The following HTR1F variants were observed in gnomAD, a reference collection of about 807,000 sequenced individuals.
HTR1F encodes 5-hydroxytryptamine receptor 1F.
HTR1F carries 17 observed loss-of-function variants against 24.0 expected under a neutral mutation model. The ratio of observed to expected loss-of-function variants is 0.71; its 90% CI spans 0.48 to 1.06. HTR1F has a LOEUF of 1.06. Ranked by LOEUF, HTR1F falls within the 50% of genes least tolerant of loss-of-function variation. The pLI, the probability that HTR1F is intolerant of heterozygous loss-of-function variation, is 0.00. For synonymous variants in HTR1F, 186 were observed against 156.8 expected (o/e 1.19, Z -1.39); for missense variants, 391 against 427.8 (o/e 0.91, Z 0.76).
chr3:87,936,582 G>A (rs1704423950), intron 2 of HTR1F, among the ~76,000 whole-genome samples: 2 of 152,114 alleles, frequency 1.3e-5, no homozygotes. Context: ...GGTAAAATCT[G>A]TGATGTTTCT....
At chr3:87,912,215 A>T (rs967703130) in intron 2 of HTR1F, among the ~76,000 whole-genome samples, 1 of 152,110 alleles carries the variant, frequency 6.6e-6, no homozygotes, top group African/African-American at 2.4e-5. Context: ...AAAAAACTTT[A>T]GCAAAATTTC....
intron 2 of HTR1F, among the ~76,000 whole-genome samples, chr3:87,835,087 C>T (rs759691097): frequency 6.6e-6 from 1 of 152,106 alleles, no homozygotes; most frequent in African/African-American, 2.4e-5. Context: ...CCATTTTCTC[C>T]GTACTTTTCT....
Position 87,991,598 on chromosome 3 carries a change from C to A in HTR1F, c.849C>A (p.Ile283=). The A allele has an allele frequency of 6.2e-7, 1 of 1,613,990 alleles. No homozygotes were observed. The highest frequency in any genetic ancestry group is 1.1e-5 in the South Asian group (1 of 91,072). Residue 283 remains isoleucine, a synonymous_variant, in exon 3 of 3, where the codon ATC becomes ATA. Transcript: ENST00000319595. Reference sequence around the variant, plus strand: ...AGAAATCTTGGAGAAGGCAAAAGATCTCAGGTACAAGAGAACGGAAAGCAG... The same window carrying A: ...AGAAATCTTGGAGAAGGCAAAAGATATCAGGTACAAGAGAACGGAAAGCAG... ...KHEKSWRRQK[I]SGTRERKAAT...
At chr3:87,881,192 A>G (rs1354192271) in intron 2 of HTR1F, among the ~76,000 whole-genome samples, 3 of 150,876 alleles carry the variant, frequency 2.0e-5, no homozygotes, top group African/African-American at 7.3e-5. Context: ...AAGCCGTGAC[A>G]GACTGTACCT....
chr3:87,976,744 A>T (rs917302705), intron 2 of HTR1F, among the ~76,000 whole-genome samples: 4 of 152,230 alleles, frequency 2.6e-5, no homozygotes, highest in African/African-American at 9.6e-5. Flanking sequence ...CTTTACAAAC[A>T]AAAGTTTTAA....
chr3:87,904,341 C>A (rs534772391), intron 2 of HTR1F, among the ~76,000 whole-genome samples: 1 of 152,032 alleles, frequency 6.6e-6, no homozygotes, highest in Admixed American at 6.6e-5. Flanking sequence ...ACACTCAATA[C>A]GCTTTGATTA....
rs78673093 is a variant in HTR1F at position 87,925,519 on chromosome 3, C to A, written c.-42-65189C>A. On this transcript the variant is annotated intron_variant, in intron 2 of 2. Transcript: ENST00000319595. ...ATGGTGTTCTGGCCTTTGGCATGGGCATAGTGAAATAAAAGGAGGGTCTTG... is the reference window on the plus strand; with the variant it reads ...ATGGTGTTCTGGCCTTTGGCATGGGAATAGTGAAATAAAAGGAGGGTCTTG... 2.0e-3 allele frequency among the ~76,000 whole-genome samples: 299 copies of A among 152,126 alleles called. 2 individuals carry two copies. Among genetic ancestry groups the A allele is most frequent in the African/African-American group, 7.0e-3 (289 of 41,506 alleles).
intron 2 of HTR1F, among the ~76,000 whole-genome samples, chr3:87,867,580 C>T (rs1443866440): frequency 6.7e-6 from 1 of 148,868 alleles, no homozygotes; most frequent in African/African-American, 2.4e-5. Context: ...GAGTGACCTC[C>T]CCCAGAAAAT....
At chr3:87,894,697 G>C (rs1303918776) in intron 2 of HTR1F, among the ~76,000 whole-genome samples, 1 of 150,322 alleles carries the variant, frequency 6.7e-6, no homozygotes. Flanking sequence ...TTTCATCTCT[G>C]CATTTACCTG....
chr3:87,854,582 A>G (rs1705158720), intron 2 of HTR1F, among the ~76,000 whole-genome samples: 1 of 152,026 alleles, frequency 6.6e-6, no homozygotes, highest in Non-Finnish European at 1.5e-5. Context: ...ATGTAATGCC[A>G]GTTTTGATAT....
intron 2 of HTR1F, among the ~76,000 whole-genome samples, chr3:87,843,669 T>C (rs1704862396): frequency 9.7e-6 from 1 of 102,764 alleles, no homozygotes; most frequent in African/African-American, 7.7e-5. Flanking sequence ...CCCAGTGCTA[T>C]CCCTCCCCCT....
At chr3:87,798,494 T>C (rs779150217) in intron 1 of HTR1F, among the ~76,000 whole-genome samples, 2 of 151,286 alleles carry the variant, frequency 1.3e-5, no homozygotes, top group African/African-American at 2.4e-5. Flanking sequence ...CATCCATCCA[T>C]AAAACCAGCA....
intron 1 of HTR1F, among the ~76,000 whole-genome samples, chr3:87,807,505 G>A (rs931806712): frequency 4.0e-5 from 6 of 151,776 alleles, no homozygotes; most frequent in Non-Finnish European, 8.8e-5. Flanking sequence ...GAATTTATCA[G>A]GTCTAAGAGT....
At chr3:87,971,125 A>G (rs73141300) in intron 2 of HTR1F, among the ~76,000 whole-genome samples, 1 of 152,332 alleles carries the variant, frequency 6.6e-6, no homozygotes, top group Non-Finnish European at 1.5e-5. Flanking sequence ...ACATGCTCAC[A>G]TATTCACCAG....
chr3:87,906,341 G>A (rs1184961387), intron 2 of HTR1F, among the ~76,000 whole-genome samples: 1 of 151,960 alleles, frequency 6.6e-6, no homozygotes. Flanking sequence ...GAAATAATAT[G>A]ACTGAACAAG....
At chr3:87,977,438 G>C (rs1197077588) in intron 2 of HTR1F, among the ~76,000 whole-genome samples, 2 of 119,468 alleles carry the variant, frequency 1.7e-5, no homozygotes, top group Non-Finnish European at 3.2e-5. Flanking sequence ...TCACTCTGTC[G>C]CCCAGGCTGG....
intron 2 of HTR1F, among the ~76,000 whole-genome samples, chr3:87,942,991 T>A (rs998084719): frequency 3.3e-5 from 5 of 152,218 alleles, no homozygotes; most frequent in Middle Eastern, 3.2e-3. Context: ...AGAAAGGCAG[T>A]AGGATTTTCT....
intron 2 of HTR1F, among the ~76,000 whole-genome samples, chr3:87,894,392 G>A (rs1206762132): frequency 6.6e-6 from 1 of 151,760 alleles, no homozygotes; most frequent in Non-Finnish European, 1.5e-5. Flanking sequence ...GAGTAGCTGG[G>A]ATTATGGGCA....
Position 87,939,927 on chromosome 3 carries a change from G to A in HTR1F, c.-42-50781G>A, listed in dbSNP as rs562332808. Among the ~76,000 whole-genome samples the A allele has an allele frequency of 2.0e-5, 3 of 152,000 alleles. No homozygotes were observed. In the East Asian group the frequency reaches 5.8e-4, roughly 29 times the overall value. ...CTAGCTTTTGAATTTGTCTGCTCTT[G>A]CTTCTCTAGTTCTTTTAATTGTAAT... On this transcript the variant is annotated intron_variant, in intron 2 of 2. Coordinates refer to ENST00000319595, the MANE Select transcript of HTR1F (RefSeq NM_001322209.2).
Sources: gnomAD v4.1 joint callset for allele counts (sites outside exome capture counted in the v4.1 genomes callset) on GRCh38, gnomAD v4.1.1 for gene constraint, MANE v1.5 for transcripts, NCBI Gene and HGNC (gene_info 2026-07-23, HGNC 2026-07-21) for gene names.